Variants in FGF12 observed in about 807,000 individuals in gnomAD.
FGF12 encodes fibroblast growth factor 12B.
FGF12 carries 14 observed loss-of-function variants against 23.6 expected under a neutral mutation model. The ratio of observed to expected loss-of-function variants is 0.59; its 90% CI spans 0.39 to 0.93. FGF12 has a LOEUF of 0.93. Among genes scored for constraint, FGF12 ranks in the 40% least tolerant of loss-of-function variants. The probability of loss-of-function intolerance (pLI) is 0.00; values close to 1 mark genes in which losing one functional copy is unlikely to be tolerated. For missense variants in FGF12, 175 were observed against 217.8 expected (o/e 0.80, Z 1.24); for synonymous variants, 62 against 77.3 (o/e 0.80, Z 1.04).
intron 2 of FGF12, among the ~76,000 whole-genome samples, chr3:192,724,488 C>G (rs115091465): frequency 0.017 from 2,600 of 152,242 alleles, 74 homozygotes; most frequent in Middle Eastern, 0.068. Flanking sequence ...TGAACCACTC[C>G]TCTAAATACT....
At chr3:192,195,682 A>G (rs1486671259) in intron 4 of FGF12, among the ~76,000 whole-genome samples, 1 of 152,220 alleles carries the variant, frequency 6.6e-6, no homozygotes. Flanking sequence ...ATGTATAACT[A>G]TATGTATATA....
At chr3:192,249,993 A>G (rs890867586) in intron 4 of FGF12, among the ~76,000 whole-genome samples, 1 of 152,204 alleles carries the variant, frequency 6.6e-6, no homozygotes, top group Non-Finnish European at 1.5e-5. Flanking sequence ...AGTGCTTTAG[A>G]TATGGAAGCC....
At chr3:192,324,174 A>G (rs1716696944) in intron 4 of FGF12, among the ~76,000 whole-genome samples, 1 of 152,134 alleles carries the variant, frequency 6.6e-6, no homozygotes, top group Admixed American at 6.5e-5. Flanking sequence ...CACAAAACTT[A>G]AAATTAAAAA....
intron 4 of FGF12, among the ~76,000 whole-genome samples, chr3:192,200,626 G>C (rs1351102596): frequency 6.6e-6 from 1 of 152,174 alleles, no homozygotes; most frequent in Non-Finnish European, 1.5e-5. Flanking sequence ...GTAGACTGCA[G>C]TGTCAGTGAG....
rs372585701 is a variant in FGF12 at position 192,292,587 on chromosome 3, A to G, written c.228+42774T>C. Among the ~76,000 whole-genome samples the G allele has an allele frequency of 6.6e-5, 10 of 152,278 alleles. No homozygotes were observed. The East Asian group carries it at 1.3e-3, about 21-fold the overall frequency. On this transcript the variant is annotated intron_variant, in intron 4 of 5. Transcript: ENST00000445105. ...ATTCATTTATTCAAATATGCATACA[A>G]TTGCTTTAAGTCTAAGATATTGAAA...
intron 2 of FGF12, among the ~76,000 whole-genome samples, chr3:192,665,560 AACACAGGG>A (rs1203833315): frequency 6.7e-6 from 1 of 150,160 alleles, no homozygotes; most frequent in Non-Finnish European, 1.5e-5. Flanking sequence ...AAACAATGAG[AACACAGGG>A]ACACAGGGAG....
At chr3:192,392,591 C>CGAGA (rs67784749) in intron 2 of FGF12, among the ~76,000 whole-genome samples, 158 of 41,860 alleles carry the variant, frequency 3.8e-3, no homozygotes, top group East Asian at 8.6e-3. Flanking sequence ...AGTGAAACTC[C>CGAGA]GAGAGAGAGA....
chr3:192,368,955 C>T (rs959190220), intron 2 of FGF12, among the ~76,000 whole-genome samples: 1 of 152,176 alleles, frequency 6.6e-6, no homozygotes, highest in Non-Finnish European at 1.5e-5. Context: ...GCCTTCTAAG[C>T]ACAGCTTTCT....
chr3:192,578,931 C>T (rs1484161315), intron 2 of FGF12, among the ~76,000 whole-genome samples: 1 of 152,194 alleles, frequency 6.6e-6, no homozygotes, highest in East Asian at 1.9e-4. Context: ...ATGCTCAGCC[C>T]ATCTGCTCAC....
At chr3:192,706,767 A>G (rs1718486033) in intron 2 of FGF12, among the ~76,000 whole-genome samples, 1 of 152,158 alleles carries the variant, frequency 6.6e-6, no homozygotes, top group African/African-American at 2.4e-5. Flanking sequence ...ACCTTTTTAC[A>G]ACATATCTAG....
intron 5 of FGF12, among the ~76,000 whole-genome samples, chr3:192,167,769 AAAATTTTTT>A (rs1311157597): frequency 0.021 from 834 of 38,822 alleles, 96 homozygotes; most frequent in East Asian, 0.16. Flanking sequence ...ATATATATAT[AAAATTTTTT>A]TTTTTTTTTT....
intron 4 of FGF12, among the ~76,000 whole-genome samples, chr3:192,193,364 C>G (rs1026098158): frequency 1.3e-5 from 2 of 152,176 alleles, no homozygotes; most frequent in Admixed American, 1.3e-4. Context: ...ATCACCCCAT[C>G]ACTGTCTTGG....
At chr3:192,695,907 T>C (rs1718105656) in intron 2 of FGF12, among the ~76,000 whole-genome samples, 1 of 152,156 alleles carries the variant, frequency 6.6e-6, no homozygotes, top group South Asian at 2.1e-4. Flanking sequence ...AAGACCAGCC[T>C]GGCCAACATG....
chr3:192,590,556 C>A (rs897372287), intron 2 of FGF12, among the ~76,000 whole-genome samples: 1 of 151,842 alleles, frequency 6.6e-6, no homozygotes, highest in Non-Finnish European at 1.5e-5. Context: ...TATTCTGAAT[C>A]AAAAACCCCA....
chr3:192,265,101 C>T (rs1043990843), intron 4 of FGF12: 2 of 152,092 alleles, frequency 1.3e-5, no homozygotes, highest in African/African-American at 2.4e-5. Flanking sequence ...ACATAAAAAG[C>T]CCTTGCTGTG....
chr3:192,713,275 A>G (rs998932523), intron 2 of FGF12, among the ~76,000 whole-genome samples: 1 of 152,170 alleles, frequency 6.6e-6, no homozygotes, highest in Non-Finnish European at 1.5e-5. Context: ...CTTGAAAGCT[A>G]TTTCCTTGGT....
At chr3:192,224,835 T>C (rs1436866551) in intron 4 of FGF12, among the ~76,000 whole-genome samples, 3 of 152,184 alleles carry the variant, frequency 2.0e-5, no homozygotes, top group Non-Finnish European at 4.4e-5. Context: ...ACTGAGATTC[T>C]TGCAGTGACC....
chr3:192,638,447 C>A (rs1258195037), intron 2 of FGF12, among the ~76,000 whole-genome samples: 1 of 152,130 alleles, frequency 6.6e-6, no homozygotes, highest in Admixed American at 6.5e-5. Context: ...ATCTGTGTAC[C>A]TAATGACTCT....
chr3:192,452,564 G>A (rs1253544853), intron 2 of FGF12, among the ~76,000 whole-genome samples: 1 of 152,100 alleles, frequency 6.6e-6, no homozygotes, highest in Admixed American at 6.5e-5. Flanking sequence ...AAAATTACAG[G>A]TCATATTTGA....
Sources: allele counts gnomAD v4.1 joint callset (sites outside exome capture counted in the v4.1 genomes callset), GRCh38; gene constraint gnomAD v4.1.1; transcripts MANE v1.5; gene names NCBI Gene and HGNC (gene_info 2026-07-23, HGNC 2026-07-21).